Variants in SPMIP2 observed in about 807,000 individuals in gnomAD.
SPMIP2 encodes the protein sperm microtubule inner protein 2, also known as protein SPMIP2.
the SPMIP2 span, among the ~76,000 whole-genome samples, chr4:159,030,009 G>A: frequency 1.3e-5 from 2 of 152,122 alleles, no homozygotes; most frequent in South Asian, 2.1e-4. Context: ...TTAAGTGGTC[G>A]AGTATACCAG....
At chr4:159,010,298 G>A in the SPMIP2 span, among the ~76,000 whole-genome samples, 1 of 152,152 alleles carries the variant, frequency 6.6e-6, no homozygotes, top group African/African-American at 2.4e-5. Context: ...ACTCTATGTG[G>A]GCTCCCCTTC....
At chr4:158,977,006 A>G in the SPMIP2 span, among the ~76,000 whole-genome samples, 12 of 152,238 alleles carry the variant, frequency 7.9e-5, 1 homozygote, top group South Asian at 1.9e-3. Flanking sequence ...CCAGTATTTT[A>G]TTGAAGATTT....
chr4:158,904,345 T>C, the SPMIP2 span: 1 of 876,488 alleles, frequency 1.1e-6, no homozygotes, highest in Non-Finnish European at 1.8e-6. Context: ...TTCATTAGTT[T>C]TAAATGATAA....
At chr4:158,922,841 G>A in the SPMIP2 span, among the ~76,000 whole-genome samples, 1 of 152,014 alleles carries the variant, frequency 6.6e-6, no homozygotes, top group Non-Finnish European at 1.5e-5. Context: ...TACAAAATGT[G>A]GCCTTTTGTC....
At chr4:159,013,337 T>A in the SPMIP2 span, among the ~76,000 whole-genome samples, 2 of 152,222 alleles carry the variant, frequency 1.3e-5, no homozygotes, top group Non-Finnish European at 2.9e-5. Context: ...GCAACTCAAG[T>A]GTGGTGTATA....
At chr4:158,936,126 T>A in the SPMIP2 span, among the ~76,000 whole-genome samples, 11 of 152,212 alleles carry the variant, frequency 7.2e-5, no homozygotes, top group African/African-American at 2.4e-4. Flanking sequence ...AAACCTTATA[T>A]TCTTCTCTTT....
At chr4:158,986,091 C>T in the SPMIP2 span, among the ~76,000 whole-genome samples, 1 of 150,800 alleles carries the variant, frequency 6.6e-6, no homozygotes, top group South Asian at 2.1e-4. Flanking sequence ...TGTGAAGGAC[C>T]TCTTCAAGCA....
At chr4:159,004,536 C>G in the SPMIP2 span, among the ~76,000 whole-genome samples, 1 of 152,028 alleles carries the variant, frequency 6.6e-6, no homozygotes, top group Admixed American at 6.6e-5. Context: ...GGTAATCTGC[C>G]TGCCTTGACC....
the SPMIP2 span, chr4:158,895,612 T>G: frequency 3.3e-6 from 2 of 612,326 alleles, no homozygotes; most frequent in East Asian, 2.8e-5. Flanking sequence ...TTGAGATGGC[T>G]TGTGATTTTT....
the SPMIP2 span, among the ~76,000 whole-genome samples, chr4:159,048,492 C>T: frequency 6.6e-6 from 1 of 152,124 alleles, no homozygotes; most frequent in Admixed American, 6.5e-5. Context: ...CTGTTGAGAA[C>T]AGCCTTTCCA....
chr4:159,014,105 T>C, the SPMIP2 span, among the ~76,000 whole-genome samples: 1 of 152,132 alleles, frequency 6.6e-6, no homozygotes, highest in South Asian at 2.1e-4. Flanking sequence ...TTCTGTTATG[T>C]TTATAAAAGA....
chr4:158,979,663 G>A, the SPMIP2 span, among the ~76,000 whole-genome samples: 1 of 152,046 alleles, frequency 6.6e-6, no homozygotes, highest in Non-Finnish European at 1.5e-5. Flanking sequence ...CATATACTAT[G>A]ATTTTCCCAA....
the SPMIP2 span, among the ~76,000 whole-genome samples, chr4:159,070,431 A>G: frequency 2.0e-5 from 3 of 152,150 alleles, no homozygotes; most frequent in African/African-American, 7.2e-5. Flanking sequence ...AATCTTTACA[A>G]CTCCACTGTA....
At chr4:158,903,412 G>A in the SPMIP2 span, among the ~76,000 whole-genome samples, 1 of 152,148 alleles carries the variant, frequency 6.6e-6, no homozygotes, top group Non-Finnish European at 1.5e-5. Context: ...GACCAGAGCT[G>A]TTCCTATTCG....
the SPMIP2 span, among the ~76,000 whole-genome samples, chr4:159,055,571 G>C: frequency 6.6e-6 from 1 of 152,060 alleles, no homozygotes; most frequent in Non-Finnish European, 1.5e-5. Flanking sequence ...TTAGCTGGGC[G>C]TGGTGGTGTG....
the SPMIP2 span, among the ~76,000 whole-genome samples, chr4:159,028,154 G>A: frequency 6.6e-6 from 1 of 152,062 alleles, no homozygotes; most frequent in Admixed American, 6.6e-5. Flanking sequence ...TAACTTACCT[G>A]AACCCTGAGT....
At chr4:158,904,575 GA>G in the SPMIP2 span, 5 of 1,581,574 alleles carry the variant, frequency 3.2e-6, no homozygotes, top group Non-Finnish European at 2.6e-6. Flanking sequence ...TTCCTTGGAA[GA>G]AAAAAATCAA....
chr4:158,981,700 A>T, the SPMIP2 span, among the ~76,000 whole-genome samples: 724 of 151,682 alleles, frequency 4.8e-3, 1 homozygote, highest in Non-Finnish European at 8.1e-3. Context: ...AGAGCTCCTG[A>T]AGGAAGCACT....
At chr4:158,895,844 A>G in the SPMIP2 span, 1 of 1,612,958 alleles carries the variant, frequency 6.2e-7, no homozygotes, top group Non-Finnish European at 8.5e-7. Context: ...GTCCATGTGA[A>G]AGAATTAGGT....
Sources: gnomAD v4.1 joint callset for allele counts (sites outside exome capture counted in the v4.1 genomes callset) on GRCh38, gnomAD v4.1.1 for gene constraint, MANE v1.5 for transcripts, NCBI Gene and HGNC (gene_info 2026-07-23, HGNC 2026-07-21) for gene names.